RABGAP1L: variants seen among roughly 807,000 people sequenced by gnomAD.
The protein encoded by RABGAP1L is rab GTPase-activating protein 1-like.
RABGAP1L carries 63 observed loss-of-function variants against 137.7 expected under a neutral mutation model. The ratio of observed to expected loss-of-function variants is 0.46; its 90% confidence interval spans 0.37 to 0.56. RABGAP1L has a LOEUF of 0.56. Among genes scored for constraint, RABGAP1L ranks in the 20% least tolerant of loss-of-function variants. RABGAP1L has a pLI of 0.00. For missense variants in RABGAP1L, 1,095 were observed against 1,244.0 expected (o/e 0.88, Z 1.80); for synonymous variants, 431 against 433.7 (o/e 0.99, Z 0.08).
At chr1:174,339,930 T>C (rs1227839623) in intron 11 of RABGAP1L, among the ~76,000 whole-genome samples, 1 of 152,200 alleles carries the variant, frequency 6.6e-6, no homozygotes, top group Non-Finnish European at 1.5e-5. Flanking sequence ...TTATGAAGCT[T>C]AAGTTTCAAC....
At position 174,367,441 on chromosome 1, in the gene RABGAP1L, G is replaced by A. The variant is rs139586194; in HGVS notation, c.1466-3538G>A. The A allele has an allele frequency of 1.0e-4, 21 of 207,578 alleles. 1 individual carries two copies. The East Asian group carries it at 2.8e-3, about 28-fold the overall frequency. The allele number at this position is 207,578 out of a possible 1,614,324, so 12.9% of individuals were successfully genotyped here. On this transcript the variant is annotated intron_variant, in intron 11 of 25. Transcript: ENST00000681986. ...CTACTACATCTAGCAGTTGTTCCGTGTTCAACTGGGCCTGAACCTTCTTCA... is the reference window on the plus strand; with the variant it reads ...CTACTACATCTAGCAGTTGTTCCGTATTCAACTGGGCCTGAACCTTCTTCA...
intron 13 of RABGAP1L, among the ~76,000 whole-genome samples, chr1:174,601,264 A>T (rs1670390866): frequency 6.6e-6 from 1 of 152,164 alleles, no homozygotes; most frequent in Non-Finnish European, 1.5e-5. Flanking sequence ...CAGGCCTGTG[A>T]TGGGAGGGGC....
chr1:174,312,994 C>G (rs917604503), intron 11 of RABGAP1L, among the ~76,000 whole-genome samples: 1 of 152,190 alleles, frequency 6.6e-6, no homozygotes, highest in African/African-American at 2.4e-5. Flanking sequence ...GTTTTGGTTA[C>G]TATAGCTCTG....
At chr1:174,921,172 C>T (rs1375644475) in intron 19 of RABGAP1L, among the ~76,000 whole-genome samples, 1 of 152,106 alleles carries the variant, frequency 6.6e-6, no homozygotes, top group African/African-American at 2.4e-5. Context: ...ATCCACCTGC[C>T]GCGGCCTCCC....
chr1:174,450,404 T>C (rs566355832), intron 13 of RABGAP1L, among the ~76,000 whole-genome samples: 59 of 152,254 alleles, frequency 3.9e-4, no homozygotes, highest in South Asian at 6.2e-4. Context: ...CTTAGCAAAA[T>C]ATATAGATCA....
At chr1:174,289,999 C>T (rs886132772) in intron 10 of RABGAP1L, among the ~76,000 whole-genome samples, 2 of 152,166 alleles carry the variant, frequency 1.3e-5, no homozygotes, top group Admixed American at 6.5e-5. Flanking sequence ...TGGCTAGGCT[C>T]CCTGGTTGGG....
At chr1:174,527,204 G>GTTTTTTTTTTTTTTTTTT (rs57011947) in intron 13 of RABGAP1L, among the ~76,000 whole-genome samples, 1 of 119,662 alleles carries the variant, frequency 8.4e-6, no homozygotes, top group African/African-American at 3.3e-5. Context: ...TTTTTATTTT[G>GTTTTTTTTTTTTTTTTTT]TTTTTTTTTT....
intron 13 of RABGAP1L, among the ~76,000 whole-genome samples, chr1:174,447,304 T>C (rs1160632707): frequency 1.3e-5 from 2 of 152,192 alleles, no homozygotes; most frequent in Admixed American, 1.3e-4. Context: ...TATTCTCTTT[T>C]CTATTGGAAA....
chr1:174,185,017 G>A (rs984825856), intron 1 of RABGAP1L, among the ~76,000 whole-genome samples: 1 of 152,144 alleles, frequency 6.6e-6, no homozygotes, highest in African/African-American at 2.4e-5. Flanking sequence ...GTACAGTTGT[G>A]GTGGCAACCC....
At chr1:174,166,237 TTTTG>T (rs1664898154) in intron 1 of RABGAP1L, among the ~76,000 whole-genome samples, 1 of 152,066 alleles carries the variant, frequency 6.6e-6, no homozygotes, top group African/African-American at 2.4e-5. Flanking sequence ...AGTGTTTTTT[TTTTG>T]TTTGTTTTTT....
At chr1:174,910,844 T>C (rs1003970759) in intron 19 of RABGAP1L, among the ~76,000 whole-genome samples, 10 of 152,208 alleles carry the variant, frequency 6.6e-5, no homozygotes, top group Admixed American at 6.5e-4. Context: ...GCTTAAATCA[T>C]AATTCTATAT....
intron 14 of RABGAP1L, among the ~76,000 whole-genome samples, chr1:174,676,099 A>G (rs1572768706): frequency 6.6e-6 from 1 of 152,166 alleles, no homozygotes; most frequent in African/African-American, 2.4e-5. Context: ...CAGCCTGAAA[A>G]GTAATTTAGG....
intron 14 of RABGAP1L, among the ~76,000 whole-genome samples, chr1:174,654,951 T>A (rs1675855766): frequency 6.6e-6 from 1 of 151,888 alleles, no homozygotes. Flanking sequence ...TTAAACTCAT[T>A]TTTTATGATT....
intron 13 of RABGAP1L, among the ~76,000 whole-genome samples, chr1:174,434,578 C>T (rs536968012): frequency 6.6e-6 from 1 of 152,282 alleles, no homozygotes; most frequent in African/African-American, 2.4e-5. Context: ...AGCCATTTTA[C>T]ACTACTACCA....
rs535947570 is a variant in RABGAP1L, at chr1:174,301,399, C to T, written c.1324-3587C>T. Among the ~76,000 whole-genome samples the T allele has an allele frequency of 2.7e-5, 4 of 150,006 alleles. No homozygotes were observed. The East Asian group carries it at 8.2e-4, about 31-fold the overall frequency. On this transcript the variant is annotated intron_variant, in intron 10 of 25. Transcript: ENST00000681986. ...GATGGCGGTGTGTTAACCACTCTTT[C>T]AGCCCCTTGCCCCAGTTTGGCCTGT...
chr1:174,587,386 A>G (rs7548573), intron 13 of RABGAP1L, among the ~76,000 whole-genome samples: 30 of 151,774 alleles, frequency 2.0e-4, no homozygotes, highest in Non-Finnish European at 3.5e-4. Flanking sequence ...TGGCACATGT[A>G]TACATATGTA....
At chr1:174,192,384 C>T (rs547463753) in intron 1 of RABGAP1L, among the ~76,000 whole-genome samples, 1 of 142,162 alleles carries the variant, frequency 7.0e-6, no homozygotes, top group African/African-American at 2.7e-5. Context: ...AGTGCAGTGG[C>T]ATGATCTTGG....
rs1054313083 is a variant in RABGAP1L, at chr1:174,364,243, C to CTTT, written c.1466-6709_1466-6707dup. 4.7e-3 allele frequency among the ~76,000 whole-genome samples: 385 copies of CTTT among 81,172 alleles called. 104 individuals carry two copies. Among genetic ancestry groups the CTTT allele is most frequent in the African/African-American group, 0.022 (302 of 13,576 alleles). The allele number at this position is 81,172 out of a possible 152,430, so 53.3% of individuals were successfully genotyped here. A position where few individuals can be genotyped will look rare whatever the true frequency, so the allele number is the denominator to read the frequency against. ...TTGTTCTGTTCAGCTTTTGGATTTC[C>CTTT]TTTTTTTTTTTTTTTTTTTTTTTTT... On this transcript the variant is annotated intron_variant, in intron 11 of 25. Coordinates refer to ENST00000681986, the MANE Select transcript of RABGAP1L (RefSeq NM_001366446.1).
At chr1:174,430,401 A>G (rs1372126412) in intron 13 of RABGAP1L, among the ~76,000 whole-genome samples, 1 of 152,040 alleles carries the variant, frequency 6.6e-6, no homozygotes, top group Non-Finnish European at 1.5e-5. Flanking sequence ...ACCACTTCTT[A>G]TAGCACCCTC....
Sources: allele counts gnomAD v4.1 joint callset (sites outside exome capture counted in the v4.1 genomes callset), GRCh38; gene constraint gnomAD v4.1.1; transcripts MANE v1.5; gene names NCBI Gene and HGNC (gene_info 2026-07-23, HGNC 2026-07-21).